The following GRXCR1 variants were observed in gnomAD, a reference collection of about 807,000 sequenced individuals.
GRXCR1 encodes glutaredoxin and cysteine rich domain containing 1.
In GRXCR1, 27 loss-of-function variants were observed where a neutral mutation model predicts 27.3. The observed-to-expected ratio is 0.99, with a 90% CI of 0.73 to 1.37. The LOEUF (loss-of-function observed/expected upper bound fraction) is 1.37. Ranked by LOEUF, GRXCR1 falls within the 40% of genes most tolerant of loss-of-function variation. GRXCR1 has a pLI of 0.00. For missense variants in GRXCR1, 379 were observed against 354.4 expected (o/e 1.07, Z -0.56); for synonymous variants, 122 against 131.1 (o/e 0.93, Z 0.47).
At chr4:42,987,215 A>ATATATATTATATAT (rs1368046534) in intron 2 of GRXCR1, among the ~76,000 whole-genome samples, 7 of 31,278 alleles carry the variant, frequency 2.2e-4, no homozygotes, top group Non-Finnish European at 3.2e-4. Context: ...TATATATTAT[A>ATATATATTATATAT]TATATATTAT....
intron 2 of GRXCR1, among the ~76,000 whole-genome samples, chr4:42,968,295 A>T (rs1748296961): frequency 6.6e-6 from 1 of 152,096 alleles, no homozygotes; most frequent in East Asian, 1.9e-4. Flanking sequence ...TTATTGTCTG[A>T]TGTCCAATAT....
In GRXCR1 at chr4:42,917,785, A is replaced by G. The variant is rs543947255; in HGVS notation, c.384+24135A>G. On this transcript the variant is annotated intron_variant, in intron 1 of 3. Coordinates refer to ENST00000399770, the MANE Select transcript of GRXCR1 (RefSeq NM_001080476.3). ...CAAACCATAATGTTCTAATAGGACT[A>G]TTAGAGGACAAGATAAAAATTAGAC... Among the ~76,000 whole-genome samples the G allele has an allele frequency of 2.0e-5, 3 of 152,266 alleles. No individual in the cohort carries two copies. In the East Asian group the frequency reaches 5.8e-4, roughly 29 times the overall value.
rs1016224918 is a variant in GRXCR1 at position 43,030,309 on chromosome 4, T to C, written c.694-52T>C. The C allele has an allele frequency of 2.6e-6, 4 of 1,558,500 alleles. No homozygotes were observed. The African/African-American group carries it at 5.4e-5, about 21-fold the overall frequency. On this transcript the variant is annotated intron_variant, in intron 3 of 3. Coordinates refer to ENST00000399770, the MANE Select transcript of GRXCR1 (RefSeq NM_001080476.3). ...AAAGACCGGGAGGCTGATTGAGTTG[T>C]TCATGCTAACACATCCTCTGTTTTC...
At chr4:42,939,401 G>A (rs938777502) in intron 1 of GRXCR1, among the ~76,000 whole-genome samples, 1 of 151,834 alleles carries the variant, frequency 6.6e-6, no homozygotes, top group Non-Finnish European at 1.5e-5. Flanking sequence ...CCGTTTTTTG[G>A]TGGAGTCTTT....
At chr4:42,917,887 A>G (rs942805752) in intron 1 of GRXCR1, among the ~76,000 whole-genome samples, 2 of 152,150 alleles carry the variant, frequency 1.3e-5, no homozygotes, top group African/African-American at 2.4e-5. Flanking sequence ...GAGATATGAT[A>G]CAAAACCTAA....
intron 2 of GRXCR1, among the ~76,000 whole-genome samples, chr4:42,993,917 A>G (rs1478315901): frequency 1.3e-5 from 2 of 152,134 alleles, no homozygotes; most frequent in African/African-American, 4.8e-5. Context: ...TATCTCTTTC[A>G]TAAATAAACG....
intron 1 of GRXCR1, among the ~76,000 whole-genome samples, chr4:42,952,183 A>G (rs1452030754): frequency 1.3e-5 from 2 of 152,170 alleles, no homozygotes; most frequent in Non-Finnish European, 2.9e-5. Flanking sequence ...CATATCCCAA[A>G]CAAATGTGAA....
At chr4:42,974,310 G>T (rs575023775) in intron 2 of GRXCR1, among the ~76,000 whole-genome samples, 12 of 152,164 alleles carry the variant, frequency 7.9e-5, no homozygotes, top group Non-Finnish European at 1.2e-4. Flanking sequence ...TCCTTTATTA[G>T]ACCTGCTGAA....
chr4:42,989,330 C>G (rs1440088765), intron 2 of GRXCR1, among the ~76,000 whole-genome samples: 1 of 152,070 alleles, frequency 6.6e-6, no homozygotes, highest in Admixed American at 6.5e-5. Context: ...GTCTCTTCTT[C>G]ATCTAATATG....
chr4:42,926,556 T>C (rs1220866071), intron 1 of GRXCR1, among the ~76,000 whole-genome samples: 1 of 152,044 alleles, frequency 6.6e-6, no homozygotes, highest in East Asian at 1.9e-4. Context: ...GACTTTCCTG[T>C]TACATTTGAA....
At chr4:42,967,532 C>A (rs1748276123) in intron 2 of GRXCR1, among the ~76,000 whole-genome samples, 1 of 152,010 alleles carries the variant, frequency 6.6e-6, no homozygotes, top group Non-Finnish European at 1.5e-5. Context: ...GGTATAACAA[C>A]CGTTTCAACC....
chr4:42,954,649 A>G (rs1319724512), intron 1 of GRXCR1, among the ~76,000 whole-genome samples: 1 of 152,148 alleles, frequency 6.6e-6, no homozygotes, highest in Non-Finnish European at 1.5e-5. Flanking sequence ...CAGTCATGTG[A>G]TAAATAATTA....
intron 1 of GRXCR1, among the ~76,000 whole-genome samples, chr4:42,949,052 T>C (rs530709280): frequency 4.6e-5 from 7 of 152,130 alleles, no homozygotes; most frequent in Non-Finnish European, 1.0e-4. Context: ...ATTTTTAATC[T>C]CTATGTATTT....
intron 1 of GRXCR1, among the ~76,000 whole-genome samples, chr4:42,907,971 T>C (rs533285654): frequency 6.6e-6 from 1 of 152,294 alleles, no homozygotes; most frequent in Admixed American, 6.5e-5. Context: ...CCATTGGCAA[T>C]GTAGCACCAC....
intron 2 of GRXCR1, among the ~76,000 whole-genome samples, chr4:42,968,412 A>G (rs1377103055): frequency 5.3e-5 from 8 of 152,172 alleles, no homozygotes; most frequent in Admixed American, 6.6e-5. Context: ...CTAGATGACT[A>G]TAACAGTTAT....
rs1713057307 is a variant in GRXCR1 at position 43,020,413 on chromosome 4, A to C, written c.687A>C (p.Lys229Asn). The change falls in exon 3 of 4, where the codon AAA becomes AAC. Residue 229 changes from lysine to asparagine, a missense_variant. By Grantham distance (94) the Lys-to-Asn change is moderately conservative. Transcript: ENST00000399770. ...GAGAACTGCAAGACATCCTAACCAA[A>C]ATTGAGGTAAATGTGCTTTCAGCAA... ...ESGELQDILT[K>N]IERVQHPHEC... The C allele has an allele frequency of 6.2e-7, 1 of 1,602,340 alleles. No homozygotes were observed. Among genetic ancestry groups the C allele is most frequent in the African/African-American group, 1.3e-5 (1 of 74,658 alleles).
intron 1 of GRXCR1, among the ~76,000 whole-genome samples, chr4:42,962,422 AT>A (rs1245576788): frequency 6.6e-6 from 1 of 151,982 alleles, no homozygotes; most frequent in East Asian, 1.9e-4. Flanking sequence ...AGGTCTTGTT[AT>A]TCCCAGGAAA....
At chr4:42,943,163 C>T (rs1747662468) in intron 1 of GRXCR1, among the ~76,000 whole-genome samples, 1 of 152,090 alleles carries the variant, frequency 6.6e-6, no homozygotes, top group East Asian at 1.9e-4. Context: ...CAGCTTCCAC[C>T]TTTCTAAAAA....
In GRXCR1 at chr4:42,930,610, T is replaced by A. The variant is rs187899855; in HGVS notation, c.385-32282T>A. 5.8e-3 allele frequency among the ~76,000 whole-genome samples: 886 copies of A among 152,104 alleles called. 3 individuals carry two copies. The highest frequency in any genetic ancestry group is 0.01 in the Middle Eastern group (3 of 294). On this transcript the variant is annotated intron_variant, in intron 1 of 3. Transcript: ENST00000399770. The stretch of plus-strand genomic sequence containing the variant: ...AATGGCTAAAATAGAGACTCTTTTT[T>A]AAAAAGTATTGGTTTTCTTAGATTG...
Sources: gnomAD v4.1 joint callset for allele counts (sites outside exome capture counted in the v4.1 genomes callset) on GRCh38, gnomAD v4.1.1 for gene constraint, MANE v1.5 for transcripts, NCBI Gene and HGNC (gene_info 2026-07-23, HGNC 2026-07-21) for gene names.